AKIRIN2: variants seen among roughly 807,000 people sequenced by gnomAD.
The protein encoded by AKIRIN2 is akirin-2.
Under a neutral mutation model 29.3 loss-of-function variants are expected in AKIRIN2, and 6 were observed. The ratio of observed to expected loss-of-function variants is 0.20; its 90% CI spans 0.11 to 0.40. AKIRIN2 has a LOEUF of 0.40. AKIRIN2 is among the 10% of genes least tolerant of loss of function. The probability of loss-of-function intolerance (pLI) is 1.00; values close to 1 mark genes in which losing one functional copy is unlikely to be tolerated. For missense variants in AKIRIN2, 210 were observed against 276.1 expected (o/e 0.76, Z 1.70); for synonymous variants, 128 against 117.5 (o/e 1.09, Z -0.58).
intron 1 of AKIRIN2, among the ~76,000 whole-genome samples, chr6:87,688,347 G>A (rs1412985389): frequency 3.3e-5 from 5 of 151,924 alleles, no homozygotes; most frequent in South Asian, 2.1e-4. Flanking sequence ...GGCCAGGCTC[G>A]TCTCAAATTC....
chr6:87,677,798 C>CTT lies in AKIRIN2; in HGVS notation c.529+19_529+20insAA, dbSNP rs1489031958. ...CACACAACTGAGTTCCTCAGAAACT[C>CTT]TAATAAACACACCTCATACCTGCAA... On this transcript the variant is annotated intron_variant, in intron 3 of 4. Transcript: ENST00000257787. 2 of 1,608,614 alleles carry CTT rather than the reference C, an allele frequency of 1.2e-6. No homozygotes were observed. Among genetic ancestry groups the CTT allele is most frequent in the Admixed American group, 3.4e-5 (2 of 59,470 alleles).
In AKIRIN2 at chr6:87,701,434, C is replaced by A. The variant is rs1244563840; in HGVS notation, c.235+16G>T. 2.6e-6 allele frequency: 4 copies of A among 1,530,852 alleles called. No homozygotes were observed. The East Asian group carries it at 7.8e-5, about 30-fold the overall frequency. The allele number at this position is 1,530,852 out of a possible 1,614,324, so 94.8% of individuals were successfully genotyped here. On this transcript the variant is annotated intron_variant, in intron 1 of 4. Transcript: ENST00000257787. ...GTTCTCTCCACTACCCCGGCGGCCG[C>A]GGGGCCGGGTCCCACCTGTGGTGAG...
chr6:87,687,935 C>G (rs1032486290), intron 1 of AKIRIN2, among the ~76,000 whole-genome samples: 1 of 152,162 alleles, frequency 6.6e-6, no homozygotes, highest in Non-Finnish European at 1.5e-5. Flanking sequence ...GGAGACGAGC[C>G]TGAGCAACAA....
chr6:87,689,366 A>T (rs35326820), intron 1 of AKIRIN2, among the ~76,000 whole-genome samples: 4,808 of 152,224 alleles, frequency 0.032, 98 homozygotes, highest in Middle Eastern at 0.054. Context: ...TAGCCAGGCA[A>T]GGTGGTGCAT....
At chr6:87,676,596 AACACACACAC>A (rs112353955) in intron 3 of AKIRIN2, among the ~76,000 whole-genome samples, 40,500 of 142,032 alleles carry the variant, frequency 0.29, 5,792 homozygotes, top group Middle Eastern at 0.37. Flanking sequence ...CTCTACTAAA[AACACACACAC>A]ACACACACAC....
intron 3 of AKIRIN2, among the ~76,000 whole-genome samples, chr6:87,676,370 G>C (rs1291098437): frequency 6.8e-6 from 1 of 146,484 alleles, no homozygotes; most frequent in Admixed American, 7.0e-5. Flanking sequence ...GGAGGCTGAG[G>C]CAGGAGAATG....
intron 1 of AKIRIN2, among the ~76,000 whole-genome samples, chr6:87,683,930 G>A (rs1771152257): frequency 6.6e-6 from 1 of 152,194 alleles, no homozygotes; most frequent in Non-Finnish European, 1.5e-5. Flanking sequence ...AGGATTATAA[G>A]TGTGAGCCAC....
intron 1 of AKIRIN2, among the ~76,000 whole-genome samples, chr6:87,682,278 T>C (rs1297813795): frequency 6.6e-6 from 1 of 152,166 alleles, no homozygotes; most frequent in East Asian, 1.9e-4. Flanking sequence ...TAAAAAGTCA[T>C]CATACATTAA....
intron 1 of AKIRIN2, among the ~76,000 whole-genome samples, chr6:87,689,536 C>G (rs976850491): frequency 6.6e-5 from 10 of 152,190 alleles, no homozygotes; most frequent in African/African-American, 2.4e-4. Flanking sequence ...ACAGGCCAAA[C>G]TCAGCCCCAT....
rs554745446 is a variant in AKIRIN2, at chr6:87,698,286, C to A, written c.235+3164G>T. ...GTAAGCAAACTTTTTCTGTAAACAC[C>A]AGAGAGCAAATATGGAGTTTTCGGG... On this transcript the variant is annotated intron_variant, in intron 1 of 4. Coordinates refer to ENST00000257787, the MANE Select transcript of AKIRIN2 (RefSeq NM_018064.4). Among the ~76,000 whole-genome samples the A allele has an allele frequency of 2.0e-5, 3 of 151,478 alleles. No homozygotes were observed. In the East Asian group the frequency reaches 5.8e-4, roughly 29 times the overall value.
intron 4 of AKIRIN2, 116 bp from the exon 5 acceptor site, chr6:87,675,723 G>GTC (rs1175848477): frequency 6.8e-7 from 1 of 1,471,154 alleles, no homozygotes; most frequent in African/African-American, 1.4e-5. Context: ...GACTTGCAAA[G>GTC]TTATGCTGCC....
At chr6:87,677,657 G>A (rs945751378) in intron 3 of AKIRIN2, among the ~76,000 whole-genome samples, 161 bp downstream of exon 3, 6 of 152,156 alleles carry the variant, frequency 3.9e-5, no homozygotes, top group African/African-American at 1.4e-4. Context: ...ACCAAGGCGG[G>A]CATGAGCTAT....
intron 1 of AKIRIN2, chr6:87,700,873 A>G (rs769483668): frequency 6.5e-6 from 1 of 154,686 alleles, no homozygotes; most frequent in Non-Finnish European, 1.5e-5. Context: ...TGACTCAGCC[A>G]AAGTGGCGTT....
chr6:87,701,537 A>G lies in AKIRIN2; in HGVS notation c.148T>C (p.Ser50Pro). Residue 50 changes from serine to proline, a missense_variant, in exon 1 of 5, where the codon TCC becomes CCC. Ser to Pro is a moderately conservative substitution (Grantham distance 74). Transcript: ENST00000257787. Reference protein sequence around the residue: ...PLSAAAATAASFSAAAASPQK... With the variant: ...PLSAAAATAAPFSAAAASPQK... ...GGCGAGGCGGCCGCAGCGGAGAAGG[A>G]GGCGGCGGTGGCCGCGGCCGCCGAC... 1 of 1,428,260 alleles carries G rather than the reference A, an allele frequency of 7.0e-7. No individual in the cohort carries two copies. Among genetic ancestry groups the G allele is most frequent in the Non-Finnish European group, 9.2e-7 (1 of 1,090,896 alleles). The allele number at this position is 1,428,260 out of a possible 1,614,324, so 88.5% of individuals were successfully genotyped here.
chr6:87,693,772 G>C (rs1771316197), intron 1 of AKIRIN2, among the ~76,000 whole-genome samples: 1 of 151,054 alleles, frequency 6.6e-6, no homozygotes, highest in Non-Finnish European at 1.5e-5. Flanking sequence ...TGATAGGTCA[G>C]TATTTCCACA....
chr6:87,688,520 C>A (rs561151275), intron 1 of AKIRIN2, among the ~76,000 whole-genome samples: 1 of 152,032 alleles, frequency 6.6e-6, no homozygotes, highest in East Asian at 1.9e-4. Context: ...CCAAGGCAGG[C>A]GGCTGACCTG....
chr6:87,701,879 C>A lies in AKIRIN2; in HGVS notation c.-195G>T. The A allele has an allele frequency of 2.3e-6, 1 of 438,382 alleles. No individual in the cohort carries two copies. Among genetic ancestry groups the A allele is most frequent in the Non-Finnish European group, 4.0e-6 (1 of 249,854 alleles). 27.2% of individuals were successfully genotyped at this position (438,382 alleles called of 1,614,324 possible). A position where few individuals can be genotyped will look rare whatever the true frequency, so the allele number is the denominator to read the frequency against. On this transcript the variant is annotated 5_prime_UTR_variant, in exon 1 of 5. Transcript: ENST00000257787. ...GCTGCCTCCGCGGCAGGGGCAGTGG[C>A]CAGGGACGGCCCGGGTGAGAGCGGG...
intron 1 of AKIRIN2, among the ~76,000 whole-genome samples, chr6:87,692,657 C>A (rs1400118246): frequency 7.2e-5 from 11 of 152,016 alleles, no homozygotes; most frequent in Admixed American, 7.2e-4. Context: ...ACTAAAAATA[C>A]AAAAATTAGC....
At chr6:87,682,496 T>C (rs1771135428) in intron 1 of AKIRIN2, among the ~76,000 whole-genome samples, 1 of 152,066 alleles carries the variant, frequency 6.6e-6, no homozygotes, top group Non-Finnish European at 1.5e-5. Flanking sequence ...GGCACATCCT[T>C]TAGGCCACTA....
Sources: allele counts gnomAD v4.1 joint callset (sites outside exome capture counted in the v4.1 genomes callset), GRCh38; gene constraint gnomAD v4.1.1; transcripts MANE v1.5; gene names NCBI Gene and HGNC (gene_info 2026-07-23, HGNC 2026-07-21).